The following GRID2 variants were observed in gnomAD, a reference collection of about 807,000 sequenced individuals.
The protein encoded by GRID2 is glutamate receptor ionotropic, delta-2.
Under a neutral mutation model 114.8 loss-of-function variants are expected in GRID2, and 33 were observed. That is an observed-to-expected ratio of 0.29 (90% confidence interval 0.22 to 0.38). The LOEUF (loss-of-function observed/expected upper bound fraction) is 0.38, where lower values mean the gene tolerates loss of function less well. GRID2 is among the 10% of genes least tolerant of loss of function. GRID2 has a pLI of 1.00. For synonymous variants in GRID2, 505 were observed against 449.9 expected (o/e 1.12, Z -1.55); for missense variants, 1,184 against 1,257.7 (o/e 0.94, Z 0.89).
intron 1 of GRID2, among the ~76,000 whole-genome samples, chr4:92,395,169 C>A (rs1043916089): frequency 6.6e-6 from 1 of 150,964 alleles, no homozygotes; most frequent in Non-Finnish European, 1.5e-5. Context: ...GCTTAAATAC[C>A]CACATATTTT....
chr4:93,779,986 A>G (rs985740212), intron 1 of GRID2, among the ~76,000 whole-genome samples: 3 of 152,222 alleles, frequency 2.0e-5, no homozygotes, highest in Non-Finnish European at 4.4e-5. Context: ...GCAAGACACT[A>G]TTCTGTGTGT....
chr4:92,916,808 C>T (rs780093859), intron 2 of GRID2, among the ~76,000 whole-genome samples: 4 of 152,030 alleles, frequency 2.6e-5, no homozygotes, highest in South Asian at 4.1e-4. Flanking sequence ...TGAATAGTGC[C>T]GCAATAAACA....
At chr4:92,348,564 T>C (rs1309136575) in intron 1 of GRID2, among the ~76,000 whole-genome samples, 1 of 152,178 alleles carries the variant, frequency 6.6e-6, no homozygotes, top group Non-Finnish European at 1.5e-5. Flanking sequence ...TCAGCTTTCT[T>C]ATAATTAAAT....
At chr4:92,653,098 A>G (rs1732049494) in intron 2 of GRID2, among the ~76,000 whole-genome samples, 1 of 149,636 alleles carries the variant, frequency 6.7e-6, no homozygotes, top group African/African-American at 2.5e-5. Flanking sequence ...TCCCAGGTTC[A>G]AGCAATTCTC....
chr4:92,564,541 A>G (rs967321586), intron 1 of GRID2, among the ~76,000 whole-genome samples: 1 of 152,048 alleles, frequency 6.6e-6, no homozygotes, highest in African/African-American at 2.4e-5. Flanking sequence ...ATGAAATTGA[A>G]GAAGGCCATC....
chr4:93,612,440 C>T (rs1351046019), intron 13 of GRID2, among the ~76,000 whole-genome samples: 7 of 137,742 alleles, frequency 5.1e-5, no homozygotes, highest in Non-Finnish European at 9.6e-5. Flanking sequence ...GATTTTGCAG[C>T]GGCTGGTACC....
intron 1 of GRID2, among the ~76,000 whole-genome samples, chr4:92,318,885 G>T: frequency 6.6e-6 from 1 of 152,070 alleles, no homozygotes; most frequent in East Asian, 1.9e-4. Flanking sequence ...ATTTAGAACA[G>T]CATCTTTGAA....
At chr4:93,651,088 A>G (rs553891873) in intron 14 of GRID2, among the ~76,000 whole-genome samples, 1 of 152,296 alleles carries the variant, frequency 6.6e-6, no homozygotes, top group African/African-American at 2.4e-5. Context: ...CAGATTCTGC[A>G]TCACCTCACA....
intron 1 of GRID2, among the ~76,000 whole-genome samples, chr4:92,317,393 T>C (rs1352056923): frequency 6.6e-6 from 1 of 152,202 alleles, no homozygotes; most frequent in Non-Finnish European, 1.5e-5. Flanking sequence ...ATAGGTGTAA[T>C]TGAAAACAGG....
chr4:93,282,331 C>A, intron 8 of GRID2: 3 of 418,240 alleles, frequency 7.2e-6, no homozygotes, highest in Non-Finnish European at 1.4e-5. Context: ...TGACAGAATA[C>A]CAGAGATGGA....
chr4:92,493,713 G>C (rs1723256889), intron 1 of GRID2, among the ~76,000 whole-genome samples: 1 of 152,084 alleles, frequency 6.6e-6, no homozygotes, highest in Non-Finnish European at 1.5e-5. Context: ...ATGGCTAAAC[G>C]CTCATATTTT....
intron 1 of GRID2, among the ~76,000 whole-genome samples, chr4:92,476,065 TC>T (rs1722299253): frequency 6.8e-6 from 1 of 147,870 alleles, no homozygotes; most frequent in Non-Finnish European, 1.5e-5. Context: ...TACCTCTGTC[TC>T]CCAAGCTGGA....
chr4:92,307,538 G>A (rs1725472507), intron 1 of GRID2, among the ~76,000 whole-genome samples: 1 of 151,992 alleles, frequency 6.6e-6, no homozygotes, highest in Non-Finnish European at 1.5e-5. Flanking sequence ...TTTCTCTTCA[G>A]TTTTTACCTC....
At chr4:92,990,385 T>A (rs1024384173) in intron 2 of GRID2, among the ~76,000 whole-genome samples, 15 of 151,540 alleles carry the variant, frequency 9.9e-5, no homozygotes, top group Non-Finnish European at 1.5e-4. Flanking sequence ...CACTGCCACC[T>A]GGGTTCAAGT....
chr4:93,089,247 T>A (rs980774342), intron 3 of GRID2, among the ~76,000 whole-genome samples: 43 of 152,164 alleles, frequency 2.8e-4, no homozygotes, highest in African/African-American at 9.6e-4. Context: ...AAAGTAAGTG[T>A]ATAAATTACA....
intron 8 of GRID2, among the ~76,000 whole-genome samples, chr4:93,254,016 A>G (rs1241221279): frequency 1.3e-5 from 2 of 152,100 alleles, no homozygotes; most frequent in African/African-American, 4.8e-5. Context: ...TAAATTCTCT[A>G]TAGATTTAAT....
At chr4:93,155,835 TG>T (rs1361772743) in intron 4 of GRID2, among the ~76,000 whole-genome samples, 1 of 151,256 alleles carries the variant, frequency 6.6e-6, no homozygotes, top group South Asian at 2.1e-4. Context: ...AGCGAGGGCA[TG>T]GGGGGTAGTG....
At chr4:93,338,214 T>A (rs569099185) in intron 8 of GRID2, among the ~76,000 whole-genome samples, 1 of 152,320 alleles carries the variant, frequency 6.6e-6, no homozygotes, top group South Asian at 2.1e-4. Flanking sequence ...TTTGGTGCTA[T>A]TTATATTTTA....
intron 9 of GRID2, among the ~76,000 whole-genome samples, chr4:93,409,047 C>G (rs1766834044): frequency 6.6e-6 from 1 of 152,076 alleles, no homozygotes; most frequent in Admixed American, 6.6e-5. Flanking sequence ...AATTATGTAC[C>G]TTGTTCTCTC....
Sources: allele counts gnomAD v4.1 joint callset (sites outside exome capture counted in the v4.1 genomes callset), GRCh38; gene constraint gnomAD v4.1.1; transcripts MANE v1.5; gene names NCBI Gene and HGNC (gene_info 2026-07-23, HGNC 2026-07-21).